Variants in ATRNL1 observed in about 807,000 individuals in gnomAD.
ATRNL1 encodes the protein attractin-like protein 1.
ATRNL1 carries 95 observed loss-of-function variants against 182.7 expected under a neutral mutation model. That is an observed-to-expected ratio of 0.52 (90% CI 0.44 to 0.62). ATRNL1 has a LOEUF of 0.62. Ranked by LOEUF, ATRNL1 falls within the 20% of genes least tolerant of loss-of-function variation. The pLI is 0.00. For synonymous variants in ATRNL1, 576 were observed against 568.3 expected (o/e 1.01, Z -0.19); for missense variants, 1,471 against 1,679.5 (o/e 0.88, Z 2.17).
chr10:115,440,782 A>G (rs966753451), intron 21 of ATRNL1, among the ~76,000 whole-genome samples: 2 of 151,830 alleles, frequency 1.3e-5, no homozygotes, highest in South Asian at 4.1e-4. Context: ...GGGGGAAAAA[A>G]AAATCATATA....
At chr10:115,156,849 T>TA (rs1324436542) in intron 5 of ATRNL1, among the ~76,000 whole-genome samples, 1 of 152,048 alleles carries the variant, frequency 6.6e-6, no homozygotes, top group Non-Finnish European at 1.5e-5. Context: ...TATATTTTTA[T>TA]AAAAAAGGAG....
chr10:115,133,151 GC>G (rs1265551438), intron 5 of ATRNL1, among the ~76,000 whole-genome samples: 2 of 152,012 alleles, frequency 1.3e-5, no homozygotes, highest in Admixed American at 1.3e-4. Flanking sequence ...TCTACATATG[GC>G]TAGCCAGTTT....
intron 20 of ATRNL1, among the ~76,000 whole-genome samples, chr10:115,409,979 T>C (rs1217774849): frequency 6.6e-6 from 1 of 152,206 alleles, no homozygotes; most frequent in Non-Finnish European, 1.5e-5. Flanking sequence ...TCTTTTGAGA[T>C]TATCATATGG....
intron 26 of ATRNL1, among the ~76,000 whole-genome samples, chr10:115,583,625 G>A (rs540658479): frequency 1.4e-5 from 2 of 139,888 alleles, no homozygotes; most frequent in East Asian, 4.5e-4. Context: ...CGCTGAAGTT[G>A]CTTATCAGTT....
intron 27 of ATRNL1, among the ~76,000 whole-genome samples, chr10:115,750,330 TA>T (rs1254798804): frequency 2.0e-5 from 3 of 151,908 alleles, no homozygotes; most frequent in African/African-American, 7.2e-5. Flanking sequence ...TCAAATAAAG[TA>T]TGGAAATTTA....
intron 1 of ATRNL1, chr10:115,096,749 C>T: frequency 7.8e-7 from 1 of 1,280,268 alleles, no homozygotes; most frequent in Non-Finnish European, 1.0e-6. Context: ...AAAAGTGGTA[C>T]TTCAGTTCTC....
At chr10:115,758,164 A>G (rs1295801659) in intron 27 of ATRNL1, among the ~76,000 whole-genome samples, 1 of 152,004 alleles carries the variant, frequency 6.6e-6, no homozygotes, top group Non-Finnish European at 1.5e-5. Context: ...TACTTCTGAT[A>G]ATTCATCAAA....
chr10:115,668,209 G>A (rs372037747), intron 26 of ATRNL1, among the ~76,000 whole-genome samples: 4 of 151,954 alleles, frequency 2.6e-5, no homozygotes, highest in Non-Finnish European at 4.4e-5. Flanking sequence ...GTGACTCCCC[G>A]GTTCTTACGA....
In ATRNL1 at chr10:115,127,642, G is replaced by A. The variant is rs782549906; in HGVS notation, c.541G>A (p.Val181Ile). The A allele has an allele frequency of 5.0e-6, 8 of 1,606,030 alleles. No individual in the cohort carries two copies. The Admixed American group carries it at 1.0e-4, about 21-fold the overall frequency. Residue 181 changes from valine to isoleucine, a missense_variant, in exon 4 of 29, where the codon GTT becomes ATT. Transcript: ENST00000355044. ...IRGNETVPEVVTTSGYALLHF... is the reference protein window; with the variant it reads ...IRGNETVPEVITTSGYALLHF... ...GGGCAATGAAACTGTGCCTGAAGTT[G>A]TTACTACATCTGGCTATGCACTGTT...
chr10:115,403,196 G>A (rs1232232331), intron 20 of ATRNL1, among the ~76,000 whole-genome samples: 1 of 148,536 alleles, frequency 6.7e-6, no homozygotes, highest in Non-Finnish European at 1.5e-5. Context: ...GCACATACTA[G>A]GGACTTTAGA....
chr10:115,282,238 C>T (rs926048017), intron 14 of ATRNL1, among the ~76,000 whole-genome samples: 3 of 144,406 alleles, frequency 2.1e-5, no homozygotes, highest in East Asian at 4.0e-4. Context: ...ATAATAAATA[C>T]ATTTCTTTTT....
chr10:115,801,878 T>G (rs2134236693), intron 27 of ATRNL1, among the ~76,000 whole-genome samples: 1 of 152,152 alleles, frequency 6.6e-6, no homozygotes, highest in South Asian at 2.1e-4. Context: ...GCTCCAAAAT[T>G]CATTGTGAAA....
chr10:115,812,901 C>A (rs374201082), intron 27 of ATRNL1, among the ~76,000 whole-genome samples: 1 of 152,040 alleles, frequency 6.6e-6, no homozygotes, highest in Non-Finnish European at 1.5e-5. Context: ...TCCCTACTTT[C>A]GCTTCACTGT....
chr10:115,149,571 C>T (rs1192458379), intron 5 of ATRNL1, among the ~76,000 whole-genome samples: 1 of 151,956 alleles, frequency 6.6e-6, no homozygotes, highest in Non-Finnish European at 1.5e-5. Flanking sequence ...TTATCAAATG[C>T]TTTTTCTGCA....
chr10:115,487,913 T>C (rs185066110), intron 24 of ATRNL1, among the ~76,000 whole-genome samples: 30 of 152,308 alleles, frequency 2.0e-4, no homozygotes, highest in African/African-American at 6.5e-4. Context: ...CATCCTAGTT[T>C]ATTGAGAGTT....
At chr10:115,139,254 C>A (rs529492850) in intron 5 of ATRNL1, among the ~76,000 whole-genome samples, 1 of 152,214 alleles carries the variant, frequency 6.6e-6, no homozygotes, top group East Asian at 1.9e-4. Context: ...GCGTTTCAAC[C>A]TCTGCCTGTT....
chr10:115,759,355 T>C (rs1051033119), intron 27 of ATRNL1, among the ~76,000 whole-genome samples: 17 of 152,130 alleles, frequency 1.1e-4, no homozygotes, highest in Non-Finnish European at 2.4e-4. Flanking sequence ...TCCATTGTTG[T>C]GGAGGGCCGA....
At chr10:115,754,349 A>G (rs1424251154) in intron 27 of ATRNL1, among the ~76,000 whole-genome samples, 4 of 152,182 alleles carry the variant, frequency 2.6e-5, no homozygotes, top group Non-Finnish European at 4.4e-5. Flanking sequence ...TAATTTCTCT[A>G]TAAGGTGTAA....
intron 28 of ATRNL1, among the ~76,000 whole-genome samples, chr10:115,881,432 G>C (rs1951824920): frequency 6.6e-6 from 1 of 152,162 alleles, no homozygotes; most frequent in Non-Finnish European, 1.5e-5. Context: ...ATGAAGGAGT[G>C]CTCCAACACA....
Sources: gnomAD v4.1 joint callset for allele counts (sites outside exome capture counted in the v4.1 genomes callset) on GRCh38, gnomAD v4.1.1 for gene constraint, MANE v1.5 for transcripts, NCBI Gene and HGNC (gene_info 2026-07-23, HGNC 2026-07-21) for gene names.